Variants in ELMO1 observed in about 807,000 individuals in gnomAD.
ELMO1 encodes the protein engulfment and cell motility 1, also known as engulfment and cell motility protein 1.
A neutral mutation model predicts 98.9 loss-of-function variants in ELMO1; 26 were observed. That is an observed-to-expected ratio of 0.26 (90% CI 0.19 to 0.36). The LOEUF (loss-of-function observed/expected upper bound fraction) is 0.36, where lower values mean the gene tolerates loss of function less well. Among genes scored for constraint, ELMO1 ranks in the 10% least tolerant of loss-of-function variants. The pLI is 1.00. For missense variants in ELMO1, 627 were observed against 935.2 expected (o/e 0.67, Z 4.30); for synonymous variants, 346 against 346.0 (o/e 1.00, Z 0.00).
At chr7:37,148,339 T>C (rs1385603878) in intron 13 of ELMO1, among the ~76,000 whole-genome samples, 3 of 152,206 alleles carry the variant, frequency 2.0e-5, no homozygotes, top group African/African-American at 7.2e-5. Context: ...TGAAAGATCA[T>C]ACACCAACGA....
At position 37,044,444 on chromosome 7, in the gene ELMO1, T is replaced by C. The variant is rs201796835; in HGVS notation, c.1301-31009A>G. ...TGTCTTCAGTTAAAAATGAGGCAGC[T>C]GTAGCTTTCCCACCATCTCCACATT... On this transcript the variant is annotated intron_variant, in intron 15 of 21. Transcript: ENST00000310758. Among the ~76,000 whole-genome samples, 8 of 152,372 alleles carry C rather than the reference T, an allele frequency of 5.3e-5. No individual in the cohort carries two copies. The East Asian group carries it at 9.6e-4, about 18-fold the overall frequency.
chr7:37,117,690 C>A (rs539318057), intron 14 of ELMO1, among the ~76,000 whole-genome samples: 1 of 152,208 alleles, frequency 6.6e-6, no homozygotes, highest in South Asian at 2.1e-4. Context: ...ATGAAAAAAT[C>A]CTGTATATAC....
intron 14 of ELMO1, among the ~76,000 whole-genome samples, chr7:37,123,019 C>T (rs192231248): frequency 4.3e-4 from 66 of 152,194 alleles, no homozygotes; most frequent in Middle Eastern, 3.4e-3. Context: ...ACTGAACAAC[C>T]TGCTCCTGAA....
At chr7:37,014,579 A>C (rs997844407) in intron 15 of ELMO1, among the ~76,000 whole-genome samples, 1 of 152,098 alleles carries the variant, frequency 6.6e-6, no homozygotes. Context: ...CTACGTTTTA[A>C]GCCCCACATG....
chr7:37,133,082 A>C, intron 14 of ELMO1, 48 bp downstream of exon 14: 1 of 1,472,208 alleles, frequency 6.8e-7, no homozygotes, highest in Non-Finnish European at 9.3e-7. Flanking sequence ...TTTGAAATTA[A>C]CATTGAGTAG....
chr7:37,350,571 T>A (rs949284878), intron 1 of ELMO1, among the ~76,000 whole-genome samples: 4 of 152,200 alleles, frequency 2.6e-5, no homozygotes, highest in Admixed American at 2.0e-4. Flanking sequence ...TTAATGAAGA[T>A]ACTAAATCTT....
intron 2 of ELMO1, among the ~76,000 whole-genome samples, chr7:37,322,334 G>A (rs1005132316): frequency 6.6e-6 from 1 of 152,046 alleles, no homozygotes; most frequent in African/African-American, 2.4e-5. Context: ...AAAAATTAAA[G>A]GCTGGATGTG....
At chr7:37,198,300 T>C (rs1290310323) in intron 13 of ELMO1, among the ~76,000 whole-genome samples, 1 of 152,228 alleles carries the variant, frequency 6.6e-6, no homozygotes, top group South Asian at 2.1e-4. Context: ...TATAGTCAAA[T>C]GAAGAATGTC....
At chr7:37,175,844 C>G (rs551894703) in intron 13 of ELMO1, among the ~76,000 whole-genome samples, 1 of 151,972 alleles carries the variant, frequency 6.6e-6, no homozygotes, top group South Asian at 2.1e-4. Flanking sequence ...GAGATTCTGT[C>G]TCAAAGAAAA....
chr7:37,242,306 TG>T (rs1794802445), intron 7 of ELMO1, among the ~76,000 whole-genome samples: 2 of 152,200 alleles, frequency 1.3e-5, no homozygotes, highest in Admixed American at 1.3e-4. Flanking sequence ...GTTATTTTTA[TG>T]GTTTCAATTT....
At chr7:36,959,547 C>T (rs1788764975) in intron 16 of ELMO1, among the ~76,000 whole-genome samples, 1 of 152,176 alleles carries the variant, frequency 6.6e-6, no homozygotes. Flanking sequence ...CCATTTCTCA[C>T]CCCTCTGCCT....
chr7:37,298,193 C>G (rs1400184814), intron 4 of ELMO1, among the ~76,000 whole-genome samples: 1 of 150,090 alleles, frequency 6.7e-6, no homozygotes, highest in Non-Finnish European at 1.5e-5. Context: ...AACCTAACTA[C>G]AGTGCTGACA....
At chr7:37,427,821 T>C (rs1804769317) in intron 1 of ELMO1, among the ~76,000 whole-genome samples, 1 of 152,214 alleles carries the variant, frequency 6.6e-6, no homozygotes, top group Non-Finnish European at 1.5e-5. Flanking sequence ...CCCTACTTTA[T>C]GGCACATTCA....
At chr7:36,985,900 G>A (rs748250603) in intron 16 of ELMO1, 25 of 1,000,850 alleles carry the variant, frequency 2.5e-5, no homozygotes, top group Non-Finnish European at 3.0e-5. Context: ...GTGGACACAT[G>A]TGTGAGACGG....
chr7:37,265,836 G>A (rs1796212189), intron 5 of ELMO1, among the ~76,000 whole-genome samples: 1 of 152,092 alleles, frequency 6.6e-6, no homozygotes, highest in African/African-American at 2.4e-5. Flanking sequence ...TTTCCATGGG[G>A]GTGGCTGGCA....
chr7:37,230,789 C>T (rs1269806084), intron 8 of ELMO1, among the ~76,000 whole-genome samples: 1 of 152,190 alleles, frequency 6.6e-6, no homozygotes, highest in Non-Finnish European at 1.5e-5. Flanking sequence ...ATGATACTCA[C>T]TATCTTCAGA....
chr7:36,883,172 A>G (rs1452794234), intron 18 of ELMO1, among the ~76,000 whole-genome samples: 1 of 152,160 alleles, frequency 6.6e-6, no homozygotes, highest in East Asian at 1.9e-4. Context: ...TTGAGTTCCA[A>G]CATAAGCCTG....
intron 16 of ELMO1, among the ~76,000 whole-genome samples, chr7:36,905,677 G>T (rs1253534394): frequency 6.6e-6 from 1 of 152,124 alleles, no homozygotes; most frequent in African/African-American, 2.4e-5. Context: ...AGGAGTCAGT[G>T]GTCACTGTGG....
chr7:36,924,203 T>C (rs1413604905), intron 16 of ELMO1, among the ~76,000 whole-genome samples: 2 of 152,226 alleles, frequency 1.3e-5, no homozygotes, highest in African/African-American at 4.8e-5. Flanking sequence ...CCAACTGCTT[T>C]GGCCTTGACT....
Sources: gnomAD v4.1 joint callset for allele counts (sites outside exome capture counted in the v4.1 genomes callset) on GRCh38, gnomAD v4.1.1 for gene constraint, MANE v1.5 for transcripts, NCBI Gene and HGNC (gene_info 2026-07-23, HGNC 2026-07-21) for gene names.